The following CROT variants were observed in gnomAD, a reference collection of about 807,000 sequenced individuals.
The protein encoded by CROT is peroxisomal carnitine O-octanoyltransferase.
CROT carries 84 observed loss-of-function variants against 89.2 expected under a neutral mutation model. The ratio of observed to expected loss-of-function variants is 0.94; its 90% CI spans 0.79 to 1.13. The LOEUF is 1.13. Ranked by LOEUF, CROT falls within the 50% of genes most tolerant of loss-of-function variation. CROT has a pLI of 0.00. For missense variants in CROT, 711 were observed against 727.8 expected (o/e 0.98, Z 0.27); for synonymous variants, 212 against 239.5 (o/e 0.89, Z 1.06).
chr7:87,364,716 G>A (rs888444035), intron 6 of CROT, among the ~76,000 whole-genome samples: 1 of 152,180 alleles, frequency 6.6e-6, no homozygotes, highest in Non-Finnish European at 1.5e-5. Context: ...CAAAGTCATT[G>A]AGAAGGTAAA....
rs750126917 is a variant in CROT at position 87,392,758 on chromosome 7, AC to A, written c.1534del (p.Leu512SerfsTer2). On this transcript the variant is annotated frameshift_variant, in exon 16 of 18. Coordinates refer to ENST00000331536, the MANE Select transcript of CROT (RefSeq NM_021151.4). LOFTEE classifies it high-confidence loss of function. Reference sequence around the variant, plus strand: ...TTGATCGTCACCTTTTAGGTCTCTTACTCATAGCAAAAGAGGAAGGTCTTCC... The same window carrying A: ...TTGATCGTCACCTTTTAGGTCTCTTATCATAGCAAAAGAGGAAGGTCTTCC... ...GFDRHLLGLL[L>X]IAKEEGLPVP... 3 of 1,613,524 alleles carry A rather than the reference AC, an allele frequency of 1.9e-6. No individual in the cohort carries two copies. Among genetic ancestry groups the A allele is most frequent in the Non-Finnish European group, 2.5e-6 (3 of 1,179,768 alleles).
At chr7:87,395,492 GC>G (rs1246234777) in intron 17 of CROT, among the ~76,000 whole-genome samples, 1 of 152,174 alleles carries the variant, frequency 6.6e-6, no homozygotes, top group African/African-American at 2.4e-5. Flanking sequence ...AGGCTTTAAG[GC>G]AGAAAGGGAT....
At chr7:87,353,135 AT>A (rs909251520) in intron 3 of CROT, among the ~76,000 whole-genome samples, 5 of 151,384 alleles carry the variant, frequency 3.3e-5, no homozygotes, top group Non-Finnish European at 5.9e-5. Context: ...CCTTTAACGG[AT>A]TTTTTTTCTT....
chr7:87,381,162 G>T (rs972228691), intron 10 of CROT, among the ~76,000 whole-genome samples: 1 of 152,148 alleles, frequency 6.6e-6, no homozygotes. Context: ...GCAGTGTCAC[G>T]TTCAGATCAT....
intron 12 of CROT, 114 bp from the exon 13 acceptor site, chr7:87,382,299 C>T: frequency 7.0e-7 from 1 of 1,425,332 alleles, no homozygotes; most frequent in Non-Finnish European, 9.7e-7. Context: ...ATGCCTTTAA[C>T]ACCTTTAATT....
intron 7 of CROT, among the ~76,000 whole-genome samples, chr7:87,370,732 A>G (rs1351963475): frequency 6.6e-6 from 1 of 152,142 alleles, no homozygotes; most frequent in African/African-American, 2.4e-5. Context: ...TCCCAGGGGC[A>G]GTCATTTAGG....
intron 10 of CROT, among the ~76,000 whole-genome samples, chr7:87,381,400 C>T (rs1806997996): frequency 1.3e-5 from 2 of 152,214 alleles, no homozygotes; most frequent in Non-Finnish European, 2.9e-5. Context: ...TGAGAATTAT[C>T]ACATTGGGAC....
At position 87,375,912 on chromosome 7, in the gene CROT, G is replaced by A; in HGVS notation, c.835G>A (p.Glu279Lys). Residue 279 changes from glutamate to lysine, a missense_variant, in exon 9 of 18, where the codon GAG (glutamate) becomes AAG (lysine). Transcript: ENST00000331536. ...GAGTAGTTTACTGGTATATTCCATGGAGGATAGCAGTCCACATGTAACACC... is the reference window on the plus strand; with the variant it reads ...GAGTAGTTTACTGGTATATTCCATGAAGGATAGCAGTCCACATGTAACACC... ...IQSSLLVYSMEDSSPHVTPED... is the reference protein window; with the variant it reads ...IQSSLLVYSMKDSSPHVTPED... 3 of 1,613,190 alleles carry A rather than the reference G, an allele frequency of 1.9e-6. No homozygotes were observed.
chr7:87,388,801 C>A (rs1195715096), intron 13 of CROT, among the ~76,000 whole-genome samples: 1 of 152,182 alleles, frequency 6.6e-6, no homozygotes, highest in African/African-American at 2.4e-5. Context: ...TAAAGAGCTT[C>A]TGCACAGCAA....
At chr7:87,397,402 A>T (rs1192939263) in intron 17 of CROT, among the ~76,000 whole-genome samples, 1 of 152,002 alleles carries the variant, frequency 6.6e-6, no homozygotes, top group Admixed American at 6.6e-5. Flanking sequence ...AACATAAATT[A>T]CTTGTTTACC....
At chr7:87,354,915 C>T (rs141115001) in intron 3 of CROT, among the ~76,000 whole-genome samples, 1 of 152,234 alleles carries the variant, frequency 6.6e-6, no homozygotes, top group African/African-American at 2.4e-5. Context: ...TTCATGAATT[C>T]CCCTTCACAA....
At chr7:87,398,110 T>C (rs1283122029) in intron 17 of CROT, among the ~76,000 whole-genome samples, 1 of 151,900 alleles carries the variant, frequency 6.6e-6, no homozygotes, top group Non-Finnish European at 1.5e-5. Context: ...TGCCTTTTTT[T>C]TTTTTTCAAA....
Position 87,377,414 on chromosome 7 carries a change from T to A in CROT, c.942T>A (p.Ile314=). The change falls in exon 10 of 18, where the codon ATT becomes ATA. Residue 314 remains isoleucine (I), a synonymous_variant. Coordinates refer to ENST00000331536, the MANE Select transcript of CROT (RefSeq NM_021151.4). ...GGGGTGACAAATCCTATAACTTGATTTCCTTTTCTAATGGAGTATTTGGCT... is the reference window on the plus strand; with the variant it reads ...GGGGTGACAAATCCTATAACTTGATATCCTTTTCTAATGGAGTATTTGGCT... The part of the protein sequence containing the change: ...VRWGDKSYNL[I]SFSNGVFGCN... 1 of 1,611,096 alleles carries A rather than the reference T, an allele frequency of 6.2e-7. No individual in the cohort carries two copies. Among genetic ancestry groups the A allele is most frequent in the Non-Finnish European group, 8.5e-7 (1 of 1,177,740 alleles).
At chr7:87,398,499 A>G (rs1562942065) in intron 17 of CROT, 25 bp from the exon 18 acceptor site, 2 of 1,612,408 alleles carry the variant, frequency 1.2e-6, no homozygotes, top group Non-Finnish European at 8.5e-7. Context: ...TTGTGTAATC[A>G]TTAATCATTA....
chr7:87,396,516 CA>C (rs1021441938), intron 17 of CROT, among the ~76,000 whole-genome samples: 1 of 151,908 alleles, frequency 6.6e-6, no homozygotes, highest in Non-Finnish European at 1.5e-5. Flanking sequence ...GCAAGTGGGG[CA>C]AGGGTTGGTA....
chr7:87,368,947 TATC>T (rs1806536496), intron 6 of CROT, among the ~76,000 whole-genome samples: 2 of 152,248 alleles, frequency 1.3e-5, no homozygotes, highest in African/African-American at 4.8e-5. Context: ...TTTATTGAGT[TATC>T]ATAGCTAGAT....
At chr7:87,358,953 C>T (rs879286783) in intron 3 of CROT, among the ~76,000 whole-genome samples, 3 of 152,178 alleles carry the variant, frequency 2.0e-5, no homozygotes, top group Non-Finnish European at 2.9e-5. Flanking sequence ...ATGAAAAATG[C>T]AGTCCTTTGC....
At chr7:87,382,381 T>A in intron 12 of CROT, 32 bp from the exon 13 acceptor site, 6 of 1,601,924 alleles carry the variant, frequency 3.7e-6, no homozygotes, top group Non-Finnish European at 5.1e-6. Flanking sequence ...TTAGGTGATT[T>A]TTCACCGTTC....
rs802037 is a variant in CROT, at chr7:87,349,031, C to A, written c.-21-17C>A. ...CTATGAGATTGAAGTTGTGAGGGCTCTCTCTCTTTTCTTTAGGTTTCCTAT... is the reference window on the plus strand; with the variant it reads ...CTATGAGATTGAAGTTGTGAGGGCTATCTCTCTTTTCTTTAGGTTTCCTAT... On this transcript the variant is annotated splice_polypyrimidine_tract_variant and intron_variant, in intron 2 of 17. Coordinates refer to ENST00000331536, the MANE Select transcript of CROT (RefSeq NM_021151.4). The A allele has an allele frequency of 0.75, 839,268 of 1,119,556 alleles. 316,554 individuals are homozygous for A. The highest frequency in any genetic ancestry group is 0.88 in the African/African-American group (56,622 of 64,042). The allele number at this position is 1,119,556 out of a possible 1,614,324, so 69.4% of individuals were successfully genotyped here.
Sources: allele counts gnomAD v4.1 joint callset (sites outside exome capture counted in the v4.1 genomes callset), GRCh38; gene constraint gnomAD v4.1.1; transcripts MANE v1.5; gene names NCBI Gene and HGNC (gene_info 2026-07-23, HGNC 2026-07-21).